DPP6: variants seen among roughly 807,000 people sequenced by gnomAD.
DPP6 encodes A-type potassium channel modulatory protein DPP6.
In DPP6, 69 loss-of-function variants were observed where a neutral mutation model predicts 122.6. That is an observed-to-expected ratio of 0.56 (90% CI 0.46 to 0.69). The LOEUF (loss-of-function observed/expected upper bound fraction) is 0.69. Among genes scored for constraint, DPP6 ranks in the 30% least tolerant of loss-of-function variants. The pLI is 0.00. For missense variants in DPP6, 928 were observed against 1,116.9 expected (o/e 0.83, Z 2.41); for synonymous variants, 418 against 433.1 (o/e 0.97, Z 0.43).
intron 1 of DPP6, among the ~76,000 whole-genome samples, chr7:153,937,554 T>C (rs971779042): frequency 2.7e-5 from 4 of 150,470 alleles, no homozygotes; most frequent in Non-Finnish European, 4.4e-5. Flanking sequence ...TTCAAGTGAT[T>C]CTCCTTCCTC....
intron 3 of DPP6, among the ~76,000 whole-genome samples, chr7:154,537,080 A>G (rs1219479869): frequency 1.3e-5 from 2 of 152,142 alleles, no homozygotes; most frequent in Non-Finnish European, 2.9e-5. Context: ...CTATATTAAT[A>G]ATTTCTGCTT....
intron 1 of DPP6, among the ~76,000 whole-genome samples, chr7:154,376,915 C>T (rs1813176828): frequency 6.6e-6 from 1 of 152,170 alleles, no homozygotes; most frequent in African/African-American, 2.4e-5. Flanking sequence ...CAGCATTTGG[C>T]TCTTGGAGAA....
chr7:154,135,827 A>C (rs1795524935), intron 1 of DPP6, among the ~76,000 whole-genome samples: 1 of 147,986 alleles, frequency 6.8e-6, no homozygotes, highest in Admixed American at 6.7e-5. Context: ...CTCTCTGTGC[A>C]CTTCCTGTGA....
At chr7:154,501,378 T>A in intron 3 of DPP6, among the ~76,000 whole-genome samples, 1 of 152,140 alleles carries the variant, frequency 6.6e-6, no homozygotes, top group Admixed American at 6.5e-5. Flanking sequence ...GTCAGAGTCA[T>A]CACAGCAGCC....
chr7:153,889,394 G>T (rs1421842040), intron 1 of DPP6, among the ~76,000 whole-genome samples: 1 of 152,050 alleles, frequency 6.6e-6, no homozygotes, highest in Non-Finnish European at 1.5e-5. Context: ...CCTAACTTAC[G>T]TGATGCCATC....
intron 1 of DPP6, among the ~76,000 whole-genome samples, chr7:153,956,517 AG>A (rs1802469956): frequency 6.6e-6 from 1 of 152,040 alleles, no homozygotes; most frequent in African/African-American, 2.4e-5. Flanking sequence ...GGTGTGACTG[AG>A]GGGGTGGCCA....
intron 1 of DPP6, among the ~76,000 whole-genome samples, chr7:154,275,261 G>T (rs1804054098): frequency 6.6e-6 from 1 of 152,198 alleles, no homozygotes; most frequent in Non-Finnish European, 1.5e-5. Context: ...AGAGTCCTCT[G>T]CAGGGCTGAG....
rs1363392887 is a variant in DPP6 at position 154,772,906 on chromosome 7, A to G, written c.1100A>G (p.Asp367Gly). Reference sequence around the variant, plus strand: ...ATTGGCTTAAATGGACCCACCCATGATCTGGAGATGATGCCGCCTGATGAT... The same window carrying G: ...ATTGGCTTAAATGGACCCACCCATGGTCTGGAGATGATGCCGCCTGATGAT... ...HVIGLNGPTH[D>G]LEMMPPDDPR... Residue 367 changes from aspartate (D) to glycine (G), a missense_variant, in exon 10 of 26, where the codon GAT becomes GGT. Coordinates refer to ENST00000377770, the MANE Select transcript of DPP6 (RefSeq NM_130797.4). The G allele has an allele frequency of 1.2e-6, 2 of 1,611,998 alleles. No individual in the cohort carries two copies. The highest frequency in any genetic ancestry group is 3.3e-5 in the Admixed American group (2 of 59,836).
intron 1 of DPP6, among the ~76,000 whole-genome samples, chr7:154,344,472 G>A (rs1280714257): frequency 6.6e-6 from 1 of 152,170 alleles, no homozygotes; most frequent in Admixed American, 6.5e-5. Context: ...TGGTGGGAAG[G>A]TAAATTAGCA....
chr7:154,264,595 G>A (rs1328000832), intron 1 of DPP6, among the ~76,000 whole-genome samples: 3 of 152,122 alleles, frequency 2.0e-5, no homozygotes, highest in Non-Finnish European at 4.4e-5. Flanking sequence ...GGCCCGCATT[G>A]GTATCTGTGA....
intron 1 of DPP6, among the ~76,000 whole-genome samples, chr7:154,136,912 TTATAG>T (rs1413487063): frequency 6.6e-6 from 1 of 152,310 alleles, no homozygotes; most frequent in East Asian, 1.9e-4. Context: ...TCTTTAAAAA[TTATAG>T]TATAGTCTAA....
At chr7:154,360,051 G>A (rs764181766) in intron 1 of DPP6, among the ~76,000 whole-genome samples, 2 of 152,160 alleles carry the variant, frequency 1.3e-5, no homozygotes, top group Non-Finnish European at 2.9e-5. Flanking sequence ...AGATTTAGAC[G>A]TTAGACACTT....
At chr7:154,764,866 C>G (rs947123081) in intron 8 of DPP6, among the ~76,000 whole-genome samples, 72 of 152,156 alleles carry the variant, frequency 4.7e-4, no homozygotes, top group African/African-American at 1.7e-3. Flanking sequence ...TCCAATTCCT[C>G]AGTTGTAAAG....
intron 5 of DPP6, among the ~76,000 whole-genome samples, chr7:154,612,189 C>A (rs926149755): frequency 6.6e-6 from 1 of 152,120 alleles, no homozygotes. Context: ...GATCTCTGTT[C>A]ATTACAAATT....
intron 17 of DPP6, among the ~76,000 whole-genome samples, chr7:154,856,557 C>G (rs771789025): frequency 3.9e-5 from 6 of 152,172 alleles, no homozygotes; most frequent in Admixed American, 6.5e-5. Flanking sequence ...CAAATGTCTT[C>G]CAGCAAGTGC....
At chr7:154,001,311 T>C (rs1336186084) in intron 1 of DPP6, among the ~76,000 whole-genome samples, 1 of 148,694 alleles carries the variant, frequency 6.7e-6, no homozygotes, top group Non-Finnish European at 1.5e-5. Flanking sequence ...TGTCTTTTCA[T>C]GCCCTAATCA....
intron 1 of DPP6, among the ~76,000 whole-genome samples, chr7:153,964,226 C>T (rs71545686): frequency 1.3e-5 from 2 of 152,112 alleles, no homozygotes; most frequent in African/African-American, 4.8e-5. Context: ...GAACTCCTGA[C>T]CTCAAGTGAT....
chr7:154,418,646 C>T (rs1008239289), intron 1 of DPP6, among the ~76,000 whole-genome samples: 4 of 152,184 alleles, frequency 2.6e-5, no homozygotes, highest in East Asian at 3.8e-4. Context: ...GAAACCATTC[C>T]TCTCCCTGCT....
intron 16 of DPP6, among the ~76,000 whole-genome samples, chr7:154,836,662 TAAC>T (rs1377809147): frequency 6.6e-6 from 1 of 152,222 alleles, no homozygotes; most frequent in African/African-American, 2.4e-5. Context: ...GATTTTATTT[TAAC>T]AACAAAAAAA....
Sources: gnomAD v4.1 joint callset for allele counts (sites outside exome capture counted in the v4.1 genomes callset) on GRCh38, gnomAD v4.1.1 for gene constraint, MANE v1.5 for transcripts, NCBI Gene and HGNC (gene_info 2026-07-23, HGNC 2026-07-21) for gene names.